DENND4C: variants seen among roughly 807,000 people sequenced by gnomAD.
DENND4C encodes DENN domain-containing protein 4C.
In DENND4C, 108 loss-of-function variants were observed where a neutral mutation model predicts 203.0. That is an observed-to-expected ratio of 0.53 (90% CI 0.46 to 0.62). The LOEUF is 0.62. DENND4C is among the 20% of genes least tolerant of loss of function. The pLI is 0.00. For missense variants in DENND4C, 2,481 were observed against 2,301.2 expected (o/e 1.08, Z -1.60); for synonymous variants, 871 against 792.4 (o/e 1.10, Z -1.67).
chr9:19,351,739 A>C (rs988564080), intron 24 of DENND4C, among the ~76,000 whole-genome samples: 1 of 151,524 alleles, frequency 6.6e-6, no homozygotes, highest in African/African-American at 2.4e-5. Flanking sequence ...CCTGGGAGGC[A>C]GAGGTTGCAG....
chr9:19,369,883 A>T lies in DENND4C; in HGVS notation c.5571A>T (p.Thr1857=). The stretch of plus-strand genomic sequence containing the variant: ...TCCTGTCAGAGGAACAACAAGAAAC[A>T]AGCACTTTAGTAGAAACCATCAGGC... ...SSLLSEEQQE[T]STLVETIRQS... Residue 1857 remains threonine, a synonymous_variant, in exon 31 of 33, where the codon ACA becomes ACT. Coordinates refer to ENST00000434457, the MANE Select transcript of DENND4C (RefSeq NM_001330640.2). The T allele has an allele frequency of 6.2e-7, 1 of 1,612,548 alleles. No homozygotes were observed. The highest frequency in any genetic ancestry group is 2.2e-5 in the East Asian group (1 of 44,814).
In DENND4C at chr9:19,341,120, G is replaced by C. The variant is rs564175647; in HGVS notation, c.3004+6G>C. 6.3e-7 allele frequency: 1 copy of C among 1,598,284 alleles called. No homozygotes were observed. The highest frequency in any genetic ancestry group is 8.5e-7 in the Non-Finnish European group (1 of 1,174,618). ...AACAAAAATGCAAACAGAAGGTTAA[G>C]TACTGATATTTACGAACTTTACTTA... On this transcript the variant is annotated splice_donor_region_variant and intron_variant, in intron 21 of 32. Coordinates refer to ENST00000434457, the MANE Select transcript of DENND4C (RefSeq NM_001330640.2).
chr9:19,276,083 TAACTC>T (rs1190185869), intron 1 of DENND4C, 70 bp from the exon 2 acceptor site: 10 of 717,830 alleles, frequency 1.4e-5, no homozygotes, highest in Non-Finnish European at 1.7e-5. Context: ...TGATGATTGT[TAACTC>T]AAGGATATAT....
intron 1 of DENND4C, among the ~76,000 whole-genome samples, chr9:19,243,495 G>A (rs1273992919): frequency 1.3e-5 from 2 of 152,112 alleles, no homozygotes; most frequent in East Asian, 3.8e-4. Context: ...AGGAAACGCT[G>A]TACCCGTTAA....
intron 1 of DENND4C, among the ~76,000 whole-genome samples, chr9:19,254,606 G>A (rs34025997): frequency 0.075 from 11,487 of 152,192 alleles, 494 homozygotes; most frequent in Middle Eastern, 0.13. Flanking sequence ...GAAATAGGGA[G>A]GGGATGTAAT....
In DENND4C at chr9:19,238,069, C is replaced by G. The variant is rs1004651484; in HGVS notation, c.-18+7236C>G. On this transcript the variant is annotated intron_variant, in intron 1 of 32. Transcript: ENST00000434457. ...GGAAGACCCCTCCTTGACTCTTCCT[C>G]TGTTTCTTTCTTTCTTTTTTTTTTT... 2.7e-5 allele frequency among the ~76,000 whole-genome samples: 4 copies of G among 150,906 alleles called. No homozygotes were observed. In the East Asian group the frequency reaches 7.8e-4, roughly 29 times the overall value.
At chr9:19,362,637 A>C (rs941336087) in intron 30 of DENND4C, among the ~76,000 whole-genome samples, 30 of 152,086 alleles carry the variant, frequency 2.0e-4, no homozygotes, top group African/African-American at 7.0e-4. Context: ...GAGTTGAGTA[A>C]TTTTTTTGGT....
Position 19,360,230 on chromosome 9 carries a change from G to C in DENND4C, c.5161-14G>C. 6.2e-7 allele frequency: 1 copy of C among 1,607,500 alleles called. No individual in the cohort carries two copies. The highest frequency in any genetic ancestry group is 8.5e-7 in the Non-Finnish European group (1 of 1,177,646). On this transcript the variant is annotated splice_polypyrimidine_tract_variant and intron_variant, in intron 28 of 32. Coordinates refer to ENST00000434457, the MANE Select transcript of DENND4C (RefSeq NM_001330640.2). ...AAACAGATAATATTAATTTCTTTTTGTATTTTTTTTAAGGATCCTTTAGGA... is the reference window on the plus strand; with the variant it reads ...AAACAGATAATATTAATTTCTTTTTCTATTTTTTTTAAGGATCCTTTAGGA...
chr9:19,271,401 A>G (rs866941648), intron 1 of DENND4C, among the ~76,000 whole-genome samples: 15 of 152,036 alleles, frequency 9.9e-5, no homozygotes, highest in African/African-American at 2.7e-4. Flanking sequence ...GGGTTTGTCT[A>G]TGTTGGCCAG....
intron 2 of DENND4C, 102 bp from the exon 3 acceptor site, chr9:19,286,667 A>G: frequency 8.9e-7 from 1 of 1,126,778 alleles, no homozygotes; most frequent in Non-Finnish European, 1.1e-6. Context: ...GATTTCAAGA[A>G]GAAAACCAGC....
At chr9:19,370,747 A>G (rs1308475675) in intron 31 of DENND4C, among the ~76,000 whole-genome samples, 1 of 152,246 alleles carries the variant, frequency 6.6e-6, no homozygotes, top group Admixed American at 6.5e-5. Context: ...TTGTCTGCTA[A>G]TATGCTCAGA....
At chr9:19,331,303 A>G (rs1819098334) in intron 16 of DENND4C, among the ~76,000 whole-genome samples, 1 of 151,696 alleles carries the variant, frequency 6.6e-6, no homozygotes, top group African/African-American at 2.4e-5. Flanking sequence ...CCCTGGTTCA[A>G]GCAATTCTCC....
intron 10 of DENND4C, among the ~76,000 whole-genome samples, chr9:19,307,517 C>G (rs1839928077): frequency 1.3e-5 from 2 of 151,792 alleles, no homozygotes; most frequent in Admixed American, 6.6e-5. Flanking sequence ...TGCCTGTAAT[C>G]CCAGCACTTT....
At chr9:19,236,404 A>G (rs1292844689) in intron 1 of DENND4C, among the ~76,000 whole-genome samples, 4 of 152,372 alleles carry the variant, frequency 2.6e-5, no homozygotes, top group Admixed American at 6.5e-5. Flanking sequence ...GCGTGAAGTA[A>G]TGAAAAAATG....
At chr9:19,357,241 A>T in intron 27 of DENND4C, 87 bp downstream of exon 27, 1 of 1,321,212 alleles carries the variant, frequency 7.6e-7, no homozygotes, top group Non-Finnish European at 1.1e-6. Context: ...CCTGACTCAT[A>T]TAGGCATAAG....
At chr9:19,331,462 A>G (rs989944430) in intron 16 of DENND4C, among the ~76,000 whole-genome samples, 4 of 152,142 alleles carry the variant, frequency 2.6e-5, no homozygotes, top group Admixed American at 6.6e-5. Flanking sequence ...TGGCCTCCCA[A>G]AGTGCTAGGA....
chr9:19,240,245 C>G (rs2131432079), intron 1 of DENND4C, among the ~76,000 whole-genome samples: 1 of 152,234 alleles, frequency 6.6e-6, no homozygotes, highest in South Asian at 2.1e-4. Context: ...AGGCTATAGC[C>G]TATAGCCTAT....
In DENND4C at chr9:19,240,676, A is replaced by C. The variant is rs554589162; in HGVS notation, c.-18+9843A>C. Among the ~76,000 whole-genome samples the C allele has an allele frequency of 3.4e-4, 51 of 151,362 alleles. No individual in the cohort carries two copies. In the South Asian group the frequency reaches 3.8e-3, roughly 11 times the overall value. On this transcript the variant is annotated intron_variant, in intron 1 of 32. Transcript: ENST00000434457. Reference sequence around the variant, plus strand: ...GTGAGATTTCATCTCAAAAAACAAAAAAAAAAAAGGCCAGGCATGGTTGCT... The same window carrying C: ...GTGAGATTTCATCTCAAAAAACAAACAAAAAAAAGGCCAGGCATGGTTGCT...
chr9:19,269,375 T>C (rs920239329), intron 1 of DENND4C, among the ~76,000 whole-genome samples: 2 of 152,140 alleles, frequency 1.3e-5, no homozygotes, highest in Non-Finnish European at 2.9e-5. Flanking sequence ...GCCAGGCTGG[T>C]CTCGAACTCC....
Sources: allele counts gnomAD v4.1 joint callset (sites outside exome capture counted in the v4.1 genomes callset), GRCh38; gene constraint gnomAD v4.1.1; transcripts MANE v1.5; gene names NCBI Gene and HGNC (gene_info 2026-07-23, HGNC 2026-07-21).